The following CCDC88A variants were observed in gnomAD, a reference collection of about 807,000 sequenced individuals.
CCDC88A encodes the protein coiled-coil and HOOK domain protein 88A.
Under a neutral mutation model 234.3 loss-of-function variants are expected in CCDC88A, and 54 were observed. That is an observed-to-expected ratio of 0.23 (90% confidence interval 0.19 to 0.29). The LOEUF (loss-of-function observed/expected upper bound fraction) is 0.29. Ranked by LOEUF, CCDC88A falls within the 10% of genes least tolerant of loss-of-function variation. The pLI, the probability that CCDC88A is intolerant of heterozygous loss-of-function variation, is 1.00. For missense variants in CCDC88A, 1,832 were observed against 2,123.4 expected (o/e 0.86, Z 2.70); for synonymous variants, 753 against 737.8 (o/e 1.02, Z -0.33).
chr2:55,295,359 T>C (rs923275398), intron 31 of CCDC88A: 1 of 1,529,310 alleles, frequency 6.5e-7, no homozygotes, highest in African/African-American at 1.4e-5. Flanking sequence ...CTGAGATGAA[T>C]GGGCCACAGT....
At chr2:55,406,152 C>T (rs1289039662) in intron 2 of CCDC88A, 1 of 131,010 alleles carries the variant, frequency 7.6e-6, no homozygotes, top group African/African-American at 2.8e-5. Context: ...CAGAGTGAGA[C>T]TCTGTCCTGA....
rs187783363 is a variant in CCDC88A, at chr2:55,361,661, A to G, written c.627+647T>C. On this transcript the variant is annotated intron_variant, in intron 7 of 32. Coordinates refer to ENST00000436346, the MANE Select transcript of CCDC88A (RefSeq NM_001365480.1). ...TATATATTCTGCAGAATGGCAGAGT[A>G]CTTTGCTCTGCTATTAAGAAAATAT... is the stretch of plus-strand genomic sequence containing the variant. Among the ~76,000 whole-genome samples the G allele has an allele frequency of 1.1e-4, 17 of 152,322 alleles. No homozygotes were observed. The South Asian group carries it at 3.1e-3, about 28-fold the overall frequency.
chr2:55,294,905 A>G (rs1679840173), intron 31 of CCDC88A: 1 of 1,134,156 alleles, frequency 8.8e-7, no homozygotes, highest in African/African-American at 1.6e-5. Flanking sequence ...ATTCACATTA[A>G]TATACATGCC....
At chr2:55,412,434 C>G (rs2104990605) in intron 2 of CCDC88A, among the ~76,000 whole-genome samples, 1 of 152,344 alleles carries the variant, frequency 6.6e-6, no homozygotes, top group South Asian at 2.1e-4. Context: ...CACAGCAGAT[C>G]AGTGGTGGGC....
intron 2 of CCDC88A, among the ~76,000 whole-genome samples, chr2:55,413,980 A>AG (rs2104997045): frequency 6.6e-6 from 1 of 150,530 alleles, no homozygotes; most frequent in South Asian, 2.1e-4. Context: ...AAAAAAAAAA[A>AG]CAAGCAAACA....
At chr2:55,301,402 T>A in intron 27 of CCDC88A, 125 bp from the exon 28 acceptor site, 1 of 558,250 alleles carries the variant, frequency 1.8e-6, no homozygotes, top group Non-Finnish European at 3.1e-6. Flanking sequence ...CTTAACATAT[T>A]TCATAGACTC....
chr2:55,395,284 C>A (rs1677341065), intron 2 of CCDC88A, among the ~76,000 whole-genome samples: 1 of 152,196 alleles, frequency 6.6e-6, no homozygotes, highest in East Asian at 1.9e-4. Flanking sequence ...CTGGCATATC[C>A]AATTTTTCCT....
At chr2:55,349,381 A>C (rs779642062) in intron 9 of CCDC88A, 137 bp downstream of exon 9, 8 of 633,586 alleles carry the variant, frequency 1.3e-5, no homozygotes, top group Middle Eastern at 5.2e-4. Context: ...ACTCTGAAAA[A>C]GTCATCCAAT....
intron 2 of CCDC88A, among the ~76,000 whole-genome samples, chr2:55,413,296 G>A (rs1680802869): frequency 6.6e-6 from 1 of 152,116 alleles, no homozygotes; most frequent in Admixed American, 6.5e-5. Context: ...GCATAGCACA[G>A]GATAATAATA....
At chr2:55,395,999 C>CATG (rs1677474011) in intron 2 of CCDC88A, among the ~76,000 whole-genome samples, 1 of 152,020 alleles carries the variant, frequency 6.6e-6, no homozygotes, top group Non-Finnish European at 1.5e-5. Context: ...CAAACAGCAG[C>CATG]ATGATCAAGA....
At chr2:55,333,201 GCTT>G (rs1301197604) in intron 15 of CCDC88A, among the ~76,000 whole-genome samples, 1 of 152,134 alleles carries the variant, frequency 6.6e-6, no homozygotes, top group Non-Finnish European at 1.5e-5. Context: ...CCCTCTCAAT[GCTT>G]CTTTAGCAGA....
intron 5 of CCDC88A, among the ~76,000 whole-genome samples, chr2:55,371,849 T>G (rs1463023956): frequency 6.6e-6 from 1 of 152,204 alleles, no homozygotes; most frequent in East Asian, 1.9e-4. Context: ...CGATAAAAAC[T>G]TAAATATTAC....
chr2:55,377,439 T>C (rs1230530676), intron 3 of CCDC88A, among the ~76,000 whole-genome samples: 2 of 150,962 alleles, frequency 1.3e-5, no homozygotes, highest in South Asian at 2.1e-4. Context: ...ATTACAGGCA[T>C]AGGCCACCGT....
At chr2:55,295,007 T>C (rs1385765113) in intron 31 of CCDC88A, 1 of 1,205,134 alleles carries the variant, frequency 8.3e-7, no homozygotes, top group East Asian at 5.8e-5. Context: ...TTTCAAATCA[T>C]ATTAGAGAAG....
At chr2:55,366,879 C>T (rs981286001) in intron 5 of CCDC88A, among the ~76,000 whole-genome samples, 1 of 151,738 alleles carries the variant, frequency 6.6e-6, no homozygotes, top group African/African-American at 2.4e-5. Context: ...ATAAGAAAAC[C>T]GATAATATAG....
Position 55,317,879 on chromosome 2 carries a change from C to T in CCDC88A, c.3325-38G>A, listed in dbSNP as rs959422330. 8 of 1,370,206 alleles carry T rather than the reference C, an allele frequency of 5.8e-6. No individual in the cohort carries two copies. The highest frequency in any genetic ancestry group is 1.9e-4 in the Middle Eastern group (1 of 5,404). 84.9% of individuals were successfully genotyped at this position (1,370,206 alleles called of 1,614,324 possible). On this transcript the variant is annotated intron_variant, in intron 19 of 32. Coordinates refer to ENST00000436346, the MANE Select transcript of CCDC88A (RefSeq NM_001365480.1). This position sits in a 1 kb window ranked among gnomAD's most constrained non-coding sequence, Gnocchi z 4.2. The stretch of plus-strand genomic sequence containing the variant: ...ATATTGTTATCAGACATAAGAAAAA[C>T]AGTTCATGTTCTTTTTCAAAATACA...
chr2:55,350,515 C>T (rs1384648458), intron 8 of CCDC88A: 3 of 151,596 alleles, frequency 2.0e-5, no homozygotes, highest in Non-Finnish European at 4.4e-5. Flanking sequence ...TTTCTACCTT[C>T]TGTTCTTTAA....
At chr2:55,378,504 G>A (rs1384006085) in intron 3 of CCDC88A, among the ~76,000 whole-genome samples, 4 of 152,022 alleles carry the variant, frequency 2.6e-5, no homozygotes, top group Admixed American at 2.6e-4. Flanking sequence ...GCCTTTTTTG[G>A]GAGAGGGTAG....
chr2:55,401,668 T>C (rs1246290208), intron 2 of CCDC88A, among the ~76,000 whole-genome samples: 2 of 151,296 alleles, frequency 1.3e-5, no homozygotes, highest in Non-Finnish European at 2.9e-5. Flanking sequence ...TTAACTATCT[T>C]GAACTTCACA....
Sources: allele counts gnomAD v4.1 joint callset (sites outside exome capture counted in the v4.1 genomes callset), GRCh38; gene constraint gnomAD v4.1.1; non-coding constraint Gnocchi (gnomAD v3.1); transcripts MANE v1.5; gene names NCBI Gene and HGNC (gene_info 2026-07-23, HGNC 2026-07-21).